ALCAM: variants seen among roughly 807,000 people sequenced by gnomAD.
The protein encoded by ALCAM is CD166 antigen.
Under a neutral mutation model 70.9 loss-of-function variants are expected in ALCAM, and 30 were observed. That is an observed-to-expected ratio of 0.42 (90% CI 0.32 to 0.57). ALCAM has a LOEUF of 0.57. ALCAM is among the 20% of genes least tolerant of loss of function. The pLI is 0.11. For synonymous variants in ALCAM, 249 were observed against 242.5 expected, an observed-to-expected ratio of 1.03 and a Z score of -0.25; for missense variants, 591 against 695.1, an observed-to-expected ratio of 0.85 and a Z score of 1.68.
chr3:105,565,820 G>A (rs1160436139), intron 14 of ALCAM, among the ~76,000 whole-genome samples: 1 of 152,190 alleles, frequency 6.6e-6, no homozygotes, highest in Non-Finnish European at 1.5e-5. Flanking sequence ...GGAATCAAAG[G>A]AATGCTTATG....
intron 1 of ALCAM, among the ~76,000 whole-genome samples, chr3:105,469,211 A>G (rs1256282956): frequency 6.6e-6 from 1 of 151,306 alleles, no homozygotes; most frequent in Non-Finnish European, 1.5e-5. Flanking sequence ...TAAGGCAATC[A>G]ATTCAATACT....
At chr3:105,530,610 A>C (rs78270029) in intron 3 of ALCAM, among the ~76,000 whole-genome samples, 1,885 of 152,068 alleles carry the variant, frequency 0.012, 51 homozygotes, top group African/African-American at 0.044. Context: ...TGTCTTTGGA[A>C]ACTAGAAATC....
At chr3:105,426,737 T>G (rs1466618880) in intron 1 of ALCAM, among the ~76,000 whole-genome samples, 1 of 151,858 alleles carries the variant, frequency 6.6e-6, no homozygotes, top group Admixed American at 6.6e-5. Context: ...AATTAGATTG[T>G]TAACTTCCTA....
intron 14 of ALCAM, among the ~76,000 whole-genome samples, chr3:105,557,760 A>G (rs956695217): frequency 3.9e-5 from 6 of 152,174 alleles, no homozygotes; most frequent in East Asian, 1.9e-4. Context: ...CGTATTCACT[A>G]TTGACCTAGA....
rs184778547 is a variant in ALCAM at position 105,448,306 on chromosome 3, C to G, written c.74-71761C>G. ...TCAGTCACTAAACCTACTGTAGTAA[C>G]TGATCTGATATTCATTTAAGCTAAA... On this transcript the variant is annotated intron_variant, in intron 1 of 15. Coordinates refer to ENST00000306107, the MANE Select transcript of ALCAM (RefSeq NM_001627.4). 9.7e-4 allele frequency among the ~76,000 whole-genome samples: 147 copies of G among 151,974 alleles called. 4 individuals carry two copies. The highest frequency in any genetic ancestry group is 5.3e-4 in the Non-Finnish European group (36 of 67,980).
At chr3:105,542,582 A>G (rs1269294285) in intron 8 of ALCAM, among the ~76,000 whole-genome samples, 1 of 151,868 alleles carries the variant, frequency 6.6e-6, no homozygotes, top group Non-Finnish European at 1.5e-5. Flanking sequence ...TTTGCACTCA[A>G]CAGTACCATT....
chr3:105,523,032 C>G (rs1939587318), intron 2 of ALCAM, among the ~76,000 whole-genome samples: 1 of 150,336 alleles, frequency 6.7e-6, no homozygotes, highest in African/African-American at 2.5e-5. Flanking sequence ...CCCAGCTACT[C>G]TGGAGCCTGA....
At chr3:105,408,038 A>G (rs1936293650) in intron 1 of ALCAM, among the ~76,000 whole-genome samples, 1 of 152,098 alleles carries the variant, frequency 6.6e-6, no homozygotes, top group Admixed American at 6.6e-5. Context: ...AAACTACAAA[A>G]CACTGCTGAA....
chr3:105,531,685 G>T (rs1939843059), intron 3 of ALCAM, among the ~76,000 whole-genome samples: 2 of 151,786 alleles, frequency 1.3e-5, no homozygotes, highest in Non-Finnish European at 2.9e-5. Context: ...ATCAATTAGA[G>T]ACAATATATC....
intron 3 of ALCAM, among the ~76,000 whole-genome samples, chr3:105,530,051 C>CT (rs1009591589): frequency 9.2e-5 from 14 of 151,830 alleles, no homozygotes; most frequent in African/African-American, 1.7e-4. Context: ...ATGTTTTGAC[C>CT]TTTTTTTTCT....
chr3:105,415,511 C>A (rs6767277), intron 1 of ALCAM, among the ~76,000 whole-genome samples: 104,829 of 151,972 alleles, frequency 0.69, 36,474 homozygotes, highest in East Asian at 0.93. Flanking sequence ...ACCTGATGAT[C>A]AGCCCCAAGG....
chr3:105,375,423 T>C (rs1559769412), intron 1 of ALCAM, among the ~76,000 whole-genome samples: 1 of 152,250 alleles, frequency 6.6e-6, no homozygotes, highest in Non-Finnish European at 1.5e-5. Context: ...CATTTAAATT[T>C]AATTATCAGC....
At chr3:105,534,893 T>A (rs1939931480) in intron 6 of ALCAM, 48 bp downstream of exon 6, 1 of 1,490,798 alleles carries the variant, frequency 6.7e-7, no homozygotes, top group African/African-American at 1.4e-5. Flanking sequence ...TTAGAAATAA[T>A]ATTCAAATGC....
At chr3:105,389,398 T>TTTTC (rs1553718636) in intron 1 of ALCAM, among the ~76,000 whole-genome samples, 4 of 127,820 alleles carry the variant, frequency 3.1e-5, no homozygotes, top group Non-Finnish European at 6.8e-5. Context: ...TTTTTTTTTT[T>TTTTC]CTAAAAAACA....
intron 1 of ALCAM, among the ~76,000 whole-genome samples, chr3:105,457,223 TATG>T (rs1447365289): frequency 3.3e-5 from 5 of 152,188 alleles, no homozygotes; most frequent in African/African-American, 1.2e-4. Context: ...CTGCAAAGGA[TATG>T]ATCTTGTTCT....
intron 1 of ALCAM, among the ~76,000 whole-genome samples, chr3:105,377,470 G>A (rs1935406842): frequency 6.6e-6 from 1 of 151,954 alleles, no homozygotes; most frequent in Non-Finnish European, 1.5e-5. Flanking sequence ...GTAAGATAAT[G>A]CCTTTCTTAA....
At chr3:105,557,241 T>C (rs1190498473) in intron 14 of ALCAM, among the ~76,000 whole-genome samples, 1 of 152,086 alleles carries the variant, frequency 6.6e-6, no homozygotes, top group East Asian at 1.9e-4. Context: ...CTCTTTTCTC[T>C]ACCCATGACC....
intron 1 of ALCAM, among the ~76,000 whole-genome samples, chr3:105,466,906 C>T (rs1464818434): frequency 1.3e-5 from 2 of 151,236 alleles, no homozygotes; most frequent in African/African-American, 4.8e-5. Flanking sequence ...GCAGACTCTG[C>T]AGAAATGACT....
chr3:105,507,990 G>A (rs2152618736), intron 1 of ALCAM, among the ~76,000 whole-genome samples: 1 of 152,106 alleles, frequency 6.6e-6, no homozygotes, highest in Non-Finnish European at 1.5e-5. Flanking sequence ...TTAGACTTCT[G>A]GTTCCTGATC....
Sources: gnomAD v4.1 joint callset for allele counts (sites outside exome capture counted in the v4.1 genomes callset) on GRCh38, gnomAD v4.1.1 for gene constraint, MANE v1.5 for transcripts, NCBI Gene and HGNC (gene_info 2026-07-23, HGNC 2026-07-21) for gene names.